Variants in KHDRBS3 observed in about 807,000 individuals in gnomAD.
The protein encoded by KHDRBS3 is KH domain-containing, RNA-binding, signal transduction-associated protein 3.
A neutral mutation model predicts 45.6 loss-of-function variants in KHDRBS3; 23 were observed. The ratio of observed to expected loss-of-function variants is 0.50; its 90% CI spans 0.36 to 0.72. KHDRBS3 has a LOEUF of 0.72. Among genes scored for constraint, KHDRBS3 ranks in the 30% least tolerant of loss-of-function variants. KHDRBS3 has a pLI of 0.00. For synonymous variants in KHDRBS3, 162 were observed against 156.5 expected, an observed-to-expected ratio of 1.04 and a Z score of -0.26; for missense variants, 352 against 424.8, an observed-to-expected ratio of 0.83 and a Z score of 1.51.
At chr8:135,475,218 A>G (rs561695498) in intron 1 of KHDRBS3, among the ~76,000 whole-genome samples, 15 of 152,254 alleles carry the variant, frequency 9.9e-5, no homozygotes, top group Non-Finnish European at 1.2e-4. Context: ...TAGTATGTGG[A>G]TGTCTTTAGG....
chr8:135,556,012 T>G (rs1230150914), intron 4 of KHDRBS3, among the ~76,000 whole-genome samples: 1 of 152,222 alleles, frequency 6.6e-6, no homozygotes, highest in African/African-American at 2.4e-5. Context: ...TGTGATAGTT[T>G]GCTGAGAATG....
At chr8:135,596,171 A>G (rs1586777468) in intron 6 of KHDRBS3, among the ~76,000 whole-genome samples, 1 of 152,280 alleles carries the variant, frequency 6.6e-6, no homozygotes, top group East Asian at 1.9e-4. Flanking sequence ...TCTAGATACA[A>G]AGGAAAGACA....
chr8:135,515,318 A>G (rs1824523051), intron 1 of KHDRBS3, among the ~76,000 whole-genome samples: 1 of 136,156 alleles, frequency 7.3e-6, no homozygotes, highest in Non-Finnish European at 1.5e-5. Context: ...GTGAGCCAAG[A>G]TCACGCCACT....
At chr8:135,627,095 G>A (rs941398147) in intron 7 of KHDRBS3, among the ~76,000 whole-genome samples, 8 of 152,218 alleles carry the variant, frequency 5.3e-5, no homozygotes, top group East Asian at 3.9e-4. Context: ...TTTTAGGGAC[G>A]GGTTAAACTC....
chr8:135,584,846 T>G (rs182308057), intron 6 of KHDRBS3, among the ~76,000 whole-genome samples: 1 of 152,286 alleles, frequency 6.6e-6, no homozygotes, highest in Admixed American at 6.5e-5. Context: ...CTCAACTGTT[T>G]GAAAACCTAA....
intron 1 of KHDRBS3, among the ~76,000 whole-genome samples, chr8:135,494,444 A>C (rs1177840116): frequency 2.6e-5 from 4 of 151,622 alleles, no homozygotes; most frequent in Non-Finnish European, 5.9e-5. Flanking sequence ...ACGCCCAGCT[A>C]CTTTTTTGCA....
intron 1 of KHDRBS3, among the ~76,000 whole-genome samples, chr8:135,476,655 G>T (rs1053110802): frequency 6.6e-6 from 1 of 152,218 alleles, no homozygotes; most frequent in South Asian, 2.1e-4. Flanking sequence ...GAGTAGATGG[G>T]GAAACCGAGC....
chr8:135,466,500 C>T (rs780292096), intron 1 of KHDRBS3, among the ~76,000 whole-genome samples: 45 of 152,274 alleles, frequency 3.0e-4, no homozygotes, highest in Middle Eastern at 3.4e-3. Context: ...GTCTGACTTA[C>T]GGTTACTGGC....
At chr8:135,615,003 T>G (rs1043869211) in intron 7 of KHDRBS3, among the ~76,000 whole-genome samples, 6 of 151,728 alleles carry the variant, frequency 4.0e-5, no homozygotes, top group Middle Eastern at 3.2e-3. Flanking sequence ...GGATTTTGGC[T>G]GAACTGACCT....
chr8:135,644,042 C>T (rs1377175616), intron 7 of KHDRBS3, among the ~76,000 whole-genome samples: 3 of 152,108 alleles, frequency 2.0e-5, no homozygotes, highest in Non-Finnish European at 4.4e-5. Flanking sequence ...TCTAAGATAA[C>T]AAATTCAGGA....
intron 7 of KHDRBS3, among the ~76,000 whole-genome samples, chr8:135,641,991 T>G: frequency 6.6e-6 from 1 of 152,224 alleles, no homozygotes; most frequent in Non-Finnish European, 1.5e-5. Flanking sequence ...AACTGTATAT[T>G]ATTCCGTGAG....
intron 7 of KHDRBS3, among the ~76,000 whole-genome samples, chr8:135,620,310 A>T (rs1201405206): frequency 6.6e-6 from 1 of 152,036 alleles, no homozygotes; most frequent in African/African-American, 2.4e-5. Context: ...CATGTTGCCC[A>T]AGCTGGTCTT....
chr8:135,642,873 A>G (rs1170203057), intron 7 of KHDRBS3, among the ~76,000 whole-genome samples: 1 of 151,704 alleles, frequency 6.6e-6, no homozygotes, highest in African/African-American at 2.4e-5. Context: ...GCTCACTGCA[A>G]CGTCCGCCTC....
chr8:135,599,926 C>T (rs973411271), intron 6 of KHDRBS3, among the ~76,000 whole-genome samples: 7 of 151,830 alleles, frequency 4.6e-5, no homozygotes, highest in African/African-American at 1.7e-4. Flanking sequence ...TGGCAGGCAC[C>T]TCCCTCACAG....
intron 7 of KHDRBS3, 115 bp from the exon 8 acceptor site, chr8:135,644,944 A>T (rs1033131832): frequency 8.0e-5 from 85 of 1,065,298 alleles, no homozygotes; most frequent in African/African-American, 5.6e-4. Context: ...AATTTCTTTG[A>T]ATTTTCAGTC....
chr8:135,623,252 TTA>T (rs1429322545), intron 7 of KHDRBS3, among the ~76,000 whole-genome samples: 1 of 152,250 alleles, frequency 6.6e-6, no homozygotes, highest in African/African-American at 2.4e-5. Flanking sequence ...ATAAGAAATC[TTA>T]GTTTTCTTGT....
At chr8:135,557,654 G>T (rs894107130) in intron 5 of KHDRBS3, 67 bp downstream of exon 5, 3 of 1,174,372 alleles carry the variant, frequency 2.6e-6, no homozygotes, top group Admixed American at 3.7e-5. Context: ...TTTATTAGTA[G>T]CCAAAACCAG....
intron 5 of KHDRBS3, among the ~76,000 whole-genome samples, chr8:135,572,268 T>C (rs1827737965): frequency 1.3e-5 from 2 of 152,212 alleles, no homozygotes; most frequent in Non-Finnish European, 2.9e-5. Context: ...GAGCTCTCTG[T>C]TATCAGAGAC....
rs1336347465 is a variant in KHDRBS3, at chr8:135,560,623, G to GT, written c.611+3043dup. Among the ~76,000 whole-genome samples, 5 of 152,226 alleles carry GT rather than the reference G, an allele frequency of 3.3e-5. No homozygotes were observed. The East Asian group carries it at 7.7e-4, about 23-fold the overall frequency. On this transcript the variant is annotated intron_variant, in intron 5 of 8. Coordinates refer to ENST00000355849, the MANE Select transcript of KHDRBS3 (RefSeq NM_006558.3). Reference sequence around the variant, plus strand: ...TGAACAGAGGAGGAAGACAGAAGTAGTTTTTTTGTTTATTTTGAATACAGT... The same window carrying GT: ...TGAACAGAGGAGGAAGACAGAAGTAGTTTTTTTTGTTTATTTTGAATACAGT...
Sources: allele counts gnomAD v4.1 joint callset (sites outside exome capture counted in the v4.1 genomes callset), GRCh38; gene constraint gnomAD v4.1.1; transcripts MANE v1.5; gene names NCBI Gene and HGNC (gene_info 2026-07-23, HGNC 2026-07-21).